TXNRD1: variants seen among roughly 807,000 people sequenced by gnomAD.
The protein encoded by TXNRD1 is thioredoxin reductase 1, also known as thioredoxin reductase 1, cytoplasmic.
TXNRD1 carries 57 observed loss-of-function variants against 80.3 expected under a neutral mutation model. The observed-to-expected ratio is 0.71, with a 90% CI of 0.57 to 0.89. The LOEUF (loss-of-function observed/expected upper bound fraction) is 0.89. Ranked by LOEUF, TXNRD1 falls within the 40% of genes least tolerant of loss-of-function variation. The probability of loss-of-function intolerance (pLI) is 0.00; values close to 1 mark genes in which losing one functional copy is unlikely to be tolerated. For missense variants in TXNRD1, 730 were observed against 803.0 expected (o/e 0.91, Z 1.10); for synonymous variants, 291 against 285.2 (o/e 1.02, Z -0.20).
Position 104,349,792 on chromosome 12 carries a change from T to A in TXNRD1, c.*1371T>A, listed in dbSNP as rs1056780133. ...TTTCATTCCTGCTACTCTACCTGTA[T>A]TTCTCAGTTGCAGCACTGAGTGGTC... is the stretch of plus-strand genomic sequence containing the variant. On this transcript the variant is annotated 3_prime_UTR_variant, in exon 17 of 17. Transcript: ENST00000525566. The A allele has an allele frequency of 3.3e-5, 5 of 152,548 alleles. No homozygotes were observed. Among genetic ancestry groups the A allele is most frequent in the African/African-American group, 1.2e-4 (5 of 41,448 alleles). The allele number at this position is 152,548 out of a possible 1,614,324, so 9.4% of individuals were successfully genotyped here.
At chr12:104,256,790 A>AAAG (rs1555208107) in intron 2 of TXNRD1, among the ~76,000 whole-genome samples, 19 of 142,514 alleles carry the variant, frequency 1.3e-4, no homozygotes, top group African/African-American at 2.9e-4. Flanking sequence ...AAAAAAAAAA[A>AAAG]AGAAAAAGAA....
chr12:104,227,149 A>C (rs2032490018), intron 1 of TXNRD1, among the ~76,000 whole-genome samples: 1 of 152,206 alleles, frequency 6.6e-6, no homozygotes, highest in African/African-American at 2.4e-5. Context: ...GTGTTTTATA[A>C]CAACTGCTGA....
rs1555207848 is a variant in TXNRD1 at position 104,254,644 on chromosome 12, A to AT, written c.243+2966_243+2967insT. 6.2e-3 allele frequency among the ~76,000 whole-genome samples: 584 copies of AT among 93,630 alleles called. 7 individuals are homozygous for AT. The highest frequency in any genetic ancestry group is 0.01 in the South Asian group (29 of 2,814). 61.4% of individuals were successfully genotyped at this position (93,630 alleles called of 152,430 possible). On this transcript the variant is annotated intron_variant, in intron 2 of 16. Transcript: ENST00000525566. ...CTATGTCTATGGAAAAAAAAAAAAA[A>AT]ATATATATATATATATATATATCAG...
chr12:104,317,782 G>C (rs1277792212), intron 7 of TXNRD1, among the ~76,000 whole-genome samples: 1 of 152,238 alleles, frequency 6.6e-6, no homozygotes, highest in Non-Finnish European at 1.5e-5. Flanking sequence ...GCTGCAGTGA[G>C]CTGTGATTGA....
At chr12:104,334,036 G>A in intron 14 of TXNRD1, 1 of 336,846 alleles carries the variant, frequency 3.0e-6, no homozygotes, top group Admixed American at 4.8e-5. Context: ...CATAATTAAG[G>A]GATGAGCTTA....
chr12:104,286,970 G>C (rs2033987611), intron 3 of TXNRD1: 2 of 1,244,220 alleles, frequency 1.6e-6, no homozygotes, highest in Non-Finnish European at 1.0e-6. Context: ...CGCCCGCTCG[G>C]CGCAGGGCGT....
At chr12:104,235,508 C>G (rs1285324364) in intron 1 of TXNRD1, among the ~76,000 whole-genome samples, 1 of 152,164 alleles carries the variant, frequency 6.6e-6, no homozygotes, top group East Asian at 1.9e-4. Context: ...GATATGACAT[C>G]AAGAGGGTAA....
intron 9 of TXNRD1, among the ~76,000 whole-genome samples, chr12:104,320,206 C>T (rs2035478166): frequency 6.6e-6 from 1 of 152,222 alleles, no homozygotes; most frequent in African/African-American, 2.4e-5. Flanking sequence ...ATTATGAAGT[C>T]ATTAAGACAG....
intron 3 of TXNRD1, among the ~76,000 whole-genome samples, chr12:104,274,252 C>G (rs963050194): frequency 2.0e-5 from 3 of 152,108 alleles, no homozygotes; most frequent in Non-Finnish European, 4.4e-5. Context: ...CTCCTTCAGG[C>G]CCAGCTCCAT....
chr12:104,345,822 G>A (rs929089558), intron 16 of TXNRD1, among the ~76,000 whole-genome samples: 20 of 152,028 alleles, frequency 1.3e-4, no homozygotes, highest in African/African-American at 2.4e-4. Context: ...AGCCTTCTGC[G>A]GCTGGAAGTG....
Position 104,321,150 on chromosome 12 carries a change from A to G in TXNRD1, c.1049A>G (p.Tyr350Cys), listed in dbSNP as rs1465743963. 5.6e-6 allele frequency: 9 copies of G among 1,608,262 alleles called. No homozygotes were observed. The highest frequency in any genetic ancestry group is 4.1e-5 in the African/African-American group (3 of 72,812). The change falls in exon 10 of 17, where the codon TAT becomes TGT. Residue 350 changes from tyrosine (Y) to cysteine (C), a missense_variant. Physicochemically the swap from Tyr to Cys is radical, Grantham distance 194. Coordinates refer to ENST00000525566, the MANE Select transcript of TXNRD1 (RefSeq NM_001093771.3). The stretch of plus-strand genomic sequence containing the variant: ...AAGACCCTGGTTGTTGGAGCATCCT[A>G]TGTCGCTTTGGAGTGCGCTGGATTT... ...PGKTLVVGAS[Y>C]VALECAGFLA...
chr12:104,264,035 A>T (rs2033423033), intron 3 of TXNRD1, among the ~76,000 whole-genome samples: 1 of 152,160 alleles, frequency 6.6e-6, no homozygotes, highest in East Asian at 1.9e-4. Flanking sequence ...TTCCTTGAAC[A>T]AATAAAAACC....
intron 1 of TXNRD1, among the ~76,000 whole-genome samples, chr12:104,244,078 G>A (rs1348643575): frequency 1.3e-5 from 2 of 152,152 alleles, no homozygotes; most frequent in African/African-American, 2.4e-5. Context: ...TGTCAAACTA[G>A]AGCTTCTTCC....
intron 4 of TXNRD1, among the ~76,000 whole-genome samples, chr12:104,290,720 C>CAT (rs58669975): frequency 0.062 from 3,428 of 55,606 alleles, 193 homozygotes; most frequent in East Asian, 0.11. Flanking sequence ...AAGAAATATA[C>CAT]ATATATATAT....
At chr12:104,306,190 C>G (rs1426774971) in intron 4 of TXNRD1, among the ~76,000 whole-genome samples, 1 of 152,144 alleles carries the variant, frequency 6.6e-6, no homozygotes, top group Non-Finnish European at 1.5e-5. Context: ...AAGTGTGAGC[C>G]AAATTTTGCA....
intron 10 of TXNRD1, among the ~76,000 whole-genome samples, chr12:104,322,029 CTT>C (rs777015302): frequency 3.4e-5 from 5 of 148,312 alleles, no homozygotes; most frequent in Non-Finnish European, 5.9e-5. Context: ...AGTGGGTTGA[CTT>C]GAGTTGTGTA....
chr12:104,331,101 G>A (rs1052944846), intron 13 of TXNRD1, among the ~76,000 whole-genome samples: 1 of 151,782 alleles, frequency 6.6e-6, no homozygotes, highest in African/African-American at 2.4e-5. Context: ...GGATTATTGG[G>A]CCAAAAGGAT....
intron 1 of TXNRD1, among the ~76,000 whole-genome samples, chr12:104,231,069 C>T (rs975838085): frequency 1.3e-5 from 2 of 152,090 alleles, no homozygotes; most frequent in Non-Finnish European, 2.9e-5. Context: ...GTTGCCTGCC[C>T]GGCTCTAAGA....
At chr12:104,239,383 CAG>C (rs1309324739) in intron 1 of TXNRD1, among the ~76,000 whole-genome samples, 2 of 151,978 alleles carry the variant, frequency 1.3e-5, no homozygotes, top group African/African-American at 4.8e-5. Context: ...TTAGTAGAGA[CAG>C]GGTTTCACCA....
Sources: allele counts gnomAD v4.1 joint callset (sites outside exome capture counted in the v4.1 genomes callset), GRCh38; gene constraint gnomAD v4.1.1; transcripts MANE v1.5; gene names NCBI Gene and HGNC (gene_info 2026-07-23, HGNC 2026-07-21).